Variants in GPALPP1 observed in about 807,000 individuals in gnomAD.
GPALPP1 encodes GPALPP motifs containing 1.
Under a neutral mutation model 38.9 loss-of-function variants are expected in GPALPP1, and 30 were observed. That is an observed-to-expected ratio of 0.77 (90% CI 0.58 to 1.05). The LOEUF is 1.05. Ranked by LOEUF, GPALPP1 falls within the 50% of genes least tolerant of loss-of-function variation. The probability of loss-of-function intolerance (pLI) is 0.00; values close to 1 mark genes in which losing one functional copy is unlikely to be tolerated. For synonymous variants in GPALPP1, 120 were observed against 139.2 expected (o/e 0.86, Z 0.97); for missense variants, 384 against 408.8 (o/e 0.94, Z 0.52).
At position 45,025,771 on chromosome 13, in the gene GPALPP1, CTAT is replaced by C. The variant is rs1296645455; in HGVS notation, c.805-2012_805-2010del. On this transcript the variant is annotated intron_variant, in intron 7 of 7. Coordinates refer to ENST00000379151, the MANE Select transcript of GPALPP1 (RefSeq NM_018559.5). ...TCTCCATGCTCCGTGTATTGATTATCTATTTTTTTTTTTTTTTAAGACAGAGTT... is the reference window on the plus strand; with the variant it reads ...TCTCCATGCTCCGTGTATTGATTATCTTTTTTTTTTTTTTAAGACAGAGTT... Among the ~76,000 whole-genome samples the C allele has an allele frequency of 5.3e-5, 8 of 149,986 alleles. No individual in the cohort carries two copies. The South Asian group carries it at 1.7e-3, about 32-fold the overall frequency.
Position 45,027,853 on chromosome 13 carries a change from C to G in GPALPP1, c.873C>G (p.Asp291Glu). ...AGTTAAAGAGTAAGGCTGCTGAAGA[C>G]AAAAATAAGCCTCAAGAGAGAATAC... ...HKKLKSKAAE[D>E]KNKPQERIPF... The change falls in exon 8 of 8, where the codon GAC becomes GAG. Residue 291 changes from aspartate (D) to glutamate (E), a missense_variant. Coordinates refer to ENST00000379151, the MANE Select transcript of GPALPP1 (RefSeq NM_018559.5). 3.1e-6 allele frequency: 5 copies of G among 1,605,994 alleles called. No individual in the cohort carries two copies. The highest frequency in any genetic ancestry group is 4.3e-6 in the Non-Finnish European group (5 of 1,172,964).
At chr13:45,013,014 C>A (rs895740730) in intron 4 of GPALPP1, among the ~76,000 whole-genome samples, 2 of 152,140 alleles carry the variant, frequency 1.3e-5, no homozygotes, top group Non-Finnish European at 2.9e-5. Context: ...AAATCCAACT[C>A]AAAATGGAAC....
chr13:45,020,488 C>T, intron 7 of GPALPP1, 60 bp downstream of exon 7: 1 of 753,442 alleles, frequency 1.3e-6, no homozygotes, highest in East Asian at 2.7e-5. Context: ...ATAATCCCAG[C>T]TACTTGGGAG....
intron 6 of GPALPP1, among the ~76,000 whole-genome samples, chr13:45,017,133 C>G (rs1874934666): frequency 6.6e-6 from 1 of 152,098 alleles, no homozygotes. Flanking sequence ...ATCAATTTTC[C>G]TGTTTTGTCA....
chr13:44,989,940 C>T (rs1291345814), intron 1 of GPALPP1, 198 bp downstream of exon 1: 4 of 593,342 alleles, frequency 6.7e-6, no homozygotes, highest in Admixed American at 6.0e-5. Flanking sequence ...CGAGCTTTGG[C>T]GTGGTTTGGC....
rs183394076 is a variant in GPALPP1, at chr13:44,996,999, C to G, written c.88+7257C>G. Among the ~76,000 whole-genome samples, 418 of 152,070 alleles carry G rather than the reference C, an allele frequency of 2.7e-3. 1 individual carries two copies. Among genetic ancestry groups the G allele is most frequent in the Non-Finnish European group, 4.5e-3 (308 of 67,968 alleles). ...ACTAAGTAATAACTCCTCATTCCCC[C>G]CTCCAGCTCCTGACAAGCACCATTC... On this transcript the variant is annotated intron_variant, in intron 1 of 7. Coordinates refer to ENST00000379151, the MANE Select transcript of GPALPP1 (RefSeq NM_018559.5).
intron 4 of GPALPP1, among the ~76,000 whole-genome samples, chr13:45,013,404 A>G (rs879300871): frequency 1.3e-5 from 2 of 152,208 alleles, no homozygotes; most frequent in Non-Finnish European, 2.9e-5. Context: ...GAGAAAGGAA[A>G]ATCTCTACCA....
At chr13:45,002,264 C>G (rs780784382) in intron 1 of GPALPP1, 5 of 152,212 alleles carry the variant, frequency 3.3e-5, no homozygotes, top group Non-Finnish European at 5.9e-5. Flanking sequence ...GGTATCCACA[C>G]TAAGTTCAAC....
In GPALPP1 at chr13:45,019,054, A is replaced by ATACATATAAAT. The variant is rs1566082067; in HGVS notation, c.706-1276_706-1275insTACATATAAAT. ...ATATACATAGAAATATATAAATATA[A>ATACATATAAAT]ATATATACATATAAATATATACATA... On this transcript the variant is annotated intron_variant, in intron 6 of 7. Coordinates refer to ENST00000379151, the MANE Select transcript of GPALPP1 (RefSeq NM_018559.5). Among the ~76,000 whole-genome samples, 23 of 37,630 alleles carry ATACATATAAAT rather than the reference A, an allele frequency of 6.1e-4. 1 individual carries two copies. In the East Asian group the frequency reaches 0.022, roughly 36 times the overall value. The allele number at this position is 37,630 out of a possible 152,430, so 24.7% of individuals were successfully genotyped here.
chr13:45,008,283 T>TA (rs1357341314), intron 3 of GPALPP1, among the ~76,000 whole-genome samples: 2 of 152,246 alleles, frequency 1.3e-5, no homozygotes, highest in African/African-American at 4.8e-5. Context: ...ACTGCCATGT[T>TA]ATATAGACCA....
chr13:45,025,753 G>A (rs17228652), intron 7 of GPALPP1, among the ~76,000 whole-genome samples: 4,036 of 151,720 alleles, frequency 0.027, 88 homozygotes, highest in Non-Finnish European at 0.042. Flanking sequence ...ATTTCTCCAT[G>A]CTCCGTGTAT....
rs921002820 is a variant in GPALPP1 at position 44,997,580 on chromosome 13, T to C, written c.89-6725T>C. On this transcript the variant is annotated intron_variant, in intron 1 of 7. Transcript: ENST00000379151. ...AGCTCCAAAAACTCAAATTCAAATC[T>C]CATTCTCAGCAAGAACCCCTTATTC... Among the ~76,000 whole-genome samples, 69 of 152,148 alleles carry C rather than the reference T, an allele frequency of 4.5e-4. 1 individual carries two copies. The highest frequency in any genetic ancestry group is 3.9e-4 in the Admixed American group (6 of 15,278).
chr13:45,026,653 C>A (rs564947750), intron 7 of GPALPP1, among the ~76,000 whole-genome samples: 15 of 152,198 alleles, frequency 9.9e-5, no homozygotes, highest in Admixed American at 4.6e-4. Flanking sequence ...GGTTGTTAAG[C>A]AAAAATTGTC....
intron 2 of GPALPP1, among the ~76,000 whole-genome samples, 195 bp downstream of exon 2, chr13:45,004,632 T>C (rs1227444272): frequency 6.6e-6 from 1 of 152,168 alleles, no homozygotes; most frequent in African/African-American, 2.4e-5. Context: ...TATAGAGATA[T>C]CTAGAATTTC....
chr13:44,993,204 C>A (rs1444508951), intron 1 of GPALPP1, among the ~76,000 whole-genome samples: 1 of 152,022 alleles, frequency 6.6e-6, no homozygotes, highest in East Asian at 1.9e-4. Flanking sequence ...GTTGCTGGAC[C>A]CTTGGGTTGC....
chr13:44,995,546 C>G (rs186008602), intron 1 of GPALPP1, among the ~76,000 whole-genome samples: 1 of 152,274 alleles, frequency 6.6e-6, no homozygotes, highest in Admixed American at 6.5e-5. Context: ...CTTTCCTCCC[C>G]TGACAGGATT....
In GPALPP1 at chr13:45,009,212, G is replaced by C. The variant is rs180723088; in HGVS notation, c.408+333G>C. On this transcript the variant is annotated intron_variant, in intron 4 of 7. Transcript: ENST00000379151. ...AGGAATGATTGTGATTTGGCCTTTA[G>C]GAGAGAAGGTTGAAGAGCTTTTTAA... 3.0e-3 allele frequency among the ~76,000 whole-genome samples: 456 copies of C among 152,266 alleles called. 2 individuals are homozygous for C. The highest frequency in any genetic ancestry group is 9.7e-3 in the African/African-American group (404 of 41,558).
chr13:45,023,052 T>G, intron 7 of GPALPP1, among the ~76,000 whole-genome samples: 1 of 151,220 alleles, frequency 6.6e-6, no homozygotes, highest in East Asian at 1.9e-4. Flanking sequence ...TCTAAAAAAC[T>G]TTTTTTTAAT....
intron 7 of GPALPP1, among the ~76,000 whole-genome samples, chr13:45,020,841 T>C (rs1287659010): frequency 6.6e-6 from 1 of 152,178 alleles, no homozygotes; most frequent in Non-Finnish European, 1.5e-5. Flanking sequence ...TTCTGTGTTT[T>C]TCATGAATAT....
Sources: gnomAD v4.1 joint callset for allele counts (sites outside exome capture counted in the v4.1 genomes callset) on GRCh38, gnomAD v4.1.1 for gene constraint, MANE v1.5 for transcripts, NCBI Gene and HGNC (gene_info 2026-07-23, HGNC 2026-07-21) for gene names.